The following GRIK2 variants were observed in gnomAD, a reference collection of about 807,000 sequenced individuals.
The protein encoded by GRIK2 is glutamate ionotropic receptor kainate type subunit 2, also known as glutamate receptor ionotropic, kainate 2.
A neutral mutation model predicts 100.3 loss-of-function variants in GRIK2; 32 were observed. The observed-to-expected ratio is 0.32, with a 90% CI of 0.24 to 0.43. GRIK2 has a LOEUF of 0.43. Among genes scored for constraint, GRIK2 ranks in the 20% least tolerant of loss-of-function variants. The pLI is 1.00. For missense variants in GRIK2, 843 were observed against 1,114.9 expected (o/e 0.76, Z 3.47); for synonymous variants, 417 against 389.4 (o/e 1.07, Z -0.83).
In GRIK2 at chr6:101,982,234, C is replaced by A. The variant is rs1478402522; in HGVS notation, c.2086-53107C>A. 2.0e-5 allele frequency among the ~76,000 whole-genome samples: 3 copies of A among 151,850 alleles called. No individual in the cohort carries two copies. In the East Asian group the frequency reaches 5.8e-4, roughly 30 times the overall value. Reference sequence around the variant, plus strand: ...CAGATATCTTGAGTATAGTCTTTTCCTTTTAGAAGGCAAATACTGTAATTT... The same window carrying A: ...CAGATATCTTGAGTATAGTCTTTTCATTTTAGAAGGCAAATACTGTAATTT... On this transcript the variant is annotated intron_variant, in intron 14 of 16. Coordinates refer to ENST00000369134, the MANE Select transcript of GRIK2 (RefSeq NM_021956.5).
chr6:101,978,688 T>C (rs1793543169), intron 14 of GRIK2, among the ~76,000 whole-genome samples: 1 of 151,950 alleles, frequency 6.6e-6, no homozygotes, highest in Non-Finnish European at 1.5e-5. Context: ...TATGAAAAAG[T>C]AGTTGAATTA....
chr6:101,724,863 G>A (rs1217241473), intron 7 of GRIK2, among the ~76,000 whole-genome samples: 1 of 151,936 alleles, frequency 6.6e-6, no homozygotes, highest in African/African-American at 2.4e-5. Flanking sequence ...CTGAAATGAT[G>A]AGCATTTTCC....
intron 7 of GRIK2, among the ~76,000 whole-genome samples, chr6:101,728,243 A>G (rs1424253066): frequency 6.6e-6 from 1 of 152,104 alleles, no homozygotes; most frequent in African/African-American, 2.4e-5. Flanking sequence ...TATCACAGCT[A>G]TGGTATAATT....
Position 101,686,323 on chromosome 6 carries a change from C to T in GRIK2, c.921C>T (p.Pro307=), listed in dbSNP as rs1771696828. The change falls in exon 7 of 17, where the codon CCC becomes CCT. Residue 307 remains proline (P), a synonymous_variant. Transcript: ENST00000369134. ...SMERLQAPPK[P]DSGLLDGFMT... ...AACGATTGCAGGCACCTCCGAAACC[C>T]GATTCAGGTTTGCTGGATGGATTTA... is the stretch of plus-strand genomic sequence containing the variant. The T allele has an allele frequency of 1.9e-6, 3 of 1,613,260 alleles. No homozygotes were observed. Among genetic ancestry groups the T allele is most frequent in the East Asian group, 2.2e-5 (1 of 44,844 alleles).
chr6:101,576,310 G>A (rs1329538985), intron 2 of GRIK2, among the ~76,000 whole-genome samples: 1 of 151,928 alleles, frequency 6.6e-6, no homozygotes, highest in Non-Finnish European at 1.5e-5. Context: ...AAATTTTTGA[G>A]CCTGAAAGAA....
At chr6:101,518,985 A>G (rs1375998760) in intron 2 of GRIK2, among the ~76,000 whole-genome samples, 1 of 152,192 alleles carries the variant, frequency 6.6e-6, no homozygotes, top group African/African-American at 2.4e-5. Context: ...TTTCAGGAGG[A>G]AAACTTGGCA....
At chr6:101,709,667 A>G (rs1370382525) in intron 7 of GRIK2, among the ~76,000 whole-genome samples, 1 of 151,894 alleles carries the variant, frequency 6.6e-6, no homozygotes, top group Non-Finnish European at 1.5e-5. Flanking sequence ...ATGGAAGGAA[A>G]AGAATCTTCC....
At chr6:102,000,569 G>T (rs1582696279) in intron 14 of GRIK2, among the ~76,000 whole-genome samples, 1 of 152,074 alleles carries the variant, frequency 6.6e-6, no homozygotes, top group South Asian at 2.1e-4. Flanking sequence ...CATAACTACA[G>T]GATTACTTAG....
chr6:101,602,402 T>C (rs2128310561), intron 2 of GRIK2, among the ~76,000 whole-genome samples: 1 of 151,534 alleles, frequency 6.6e-6, no homozygotes, highest in South Asian at 2.1e-4. Flanking sequence ...ATACAGTAAA[T>C]AGGGTTTTAC....
At chr6:101,504,771 T>C (rs952910010) in intron 2 of GRIK2, among the ~76,000 whole-genome samples, 1 of 152,064 alleles carries the variant, frequency 6.6e-6, no homozygotes, top group African/African-American at 2.4e-5. Flanking sequence ...TTTTTTTCTC[T>C]AGCAAGAAGT....
chr6:101,878,603 T>C (rs1333808600), intron 11 of GRIK2, among the ~76,000 whole-genome samples: 2 of 152,046 alleles, frequency 1.3e-5, no homozygotes, highest in African/African-American at 4.8e-5. Context: ...TTTAACTCTC[T>C]CTGTATTTTT....
chr6:101,978,183 G>A (rs1004316138), intron 14 of GRIK2, among the ~76,000 whole-genome samples: 62 of 151,946 alleles, frequency 4.1e-4, no homozygotes, highest in South Asian at 8.3e-4. Context: ...AGTGTGTTAT[G>A]GATCAAATTT....
chr6:101,584,541 A>G (rs979821141), intron 2 of GRIK2, among the ~76,000 whole-genome samples: 1 of 152,074 alleles, frequency 6.6e-6, no homozygotes, highest in Non-Finnish European at 1.5e-5. Flanking sequence ...ATATGAATAT[A>G]GGACTATTTG....
intron 9 of GRIK2, among the ~76,000 whole-genome samples, chr6:101,803,127 A>C (rs1027661391): frequency 6.6e-6 from 1 of 151,846 alleles, no homozygotes; most frequent in Non-Finnish European, 1.5e-5. Context: ...GATGTTATTA[A>C]ATCTTATTAG....
At chr6:101,793,885 T>A (rs2128410007) in intron 7 of GRIK2, among the ~76,000 whole-genome samples, 1 of 152,290 alleles carries the variant, frequency 6.6e-6, no homozygotes, top group South Asian at 2.1e-4. Flanking sequence ...TCCTGGCTGC[T>A]TTGTTTACCT....
intron 4 of GRIK2, among the ~76,000 whole-genome samples, chr6:101,657,296 C>A (rs1769266903): frequency 6.6e-6 from 1 of 152,108 alleles, no homozygotes; most frequent in East Asian, 1.9e-4. Flanking sequence ...AGGGGCTCTT[C>A]CCCCTTTGCT....
intron 2 of GRIK2, among the ~76,000 whole-genome samples, chr6:101,546,839 TTTTTTTTTG>T (rs1247072103): frequency 2.4e-4 from 25 of 102,164 alleles, no homozygotes; most frequent in African/African-American, 8.5e-4. Context: ...TTTTTTTTTT[TTTTTTTTTG>T]GAGACGGAGT....
intron 2 of GRIK2, among the ~76,000 whole-genome samples, chr6:101,514,015 G>A (rs543117897): frequency 2.0e-5 from 3 of 151,928 alleles, no homozygotes; most frequent in East Asian, 1.9e-4. Context: ...TTGCAAGACC[G>A]ATCAAGAGAA....
intron 12 of GRIK2, among the ~76,000 whole-genome samples, chr6:101,917,865 AAAAC>A (rs1267353730): frequency 6.6e-6 from 1 of 151,628 alleles, no homozygotes; most frequent in Non-Finnish European, 1.5e-5. Flanking sequence ...CATGAAAAGA[AAAAC>A]AAAGTCACAG....
Sources: allele counts gnomAD v4.1 joint callset (sites outside exome capture counted in the v4.1 genomes callset), GRCh38; gene constraint gnomAD v4.1.1; transcripts MANE v1.5; gene names NCBI Gene and HGNC (gene_info 2026-07-23, HGNC 2026-07-21).